The following ANKRD44 variants were observed in gnomAD, a reference collection of about 807,000 sequenced individuals.
ANKRD44 encodes ankyrin repeat domain 44.
A neutral mutation model predicts 116.0 loss-of-function variants in ANKRD44; 35 were observed. The observed-to-expected ratio is 0.30, with a 90% CI of 0.23 to 0.40. The LOEUF is 0.40. ANKRD44 is among the 10% of genes least tolerant of loss of function. The pLI is 1.00. For missense variants in ANKRD44, 1,014 were observed against 1,242.6 expected, an observed-to-expected ratio of 0.82 and a Z score of 2.77; for synonymous variants, 435 against 461.8, an observed-to-expected ratio of 0.94 and a Z score of 0.74.
intron 8 of ANKRD44, among the ~76,000 whole-genome samples, chr2:197,112,141 TAGAG>T (rs775226792): frequency 2.6e-5 from 4 of 152,154 alleles, no homozygotes; most frequent in African/African-American, 9.7e-5. Flanking sequence ...GTATCCCCAA[TAGAG>T]AGAATGTATT....
chr2:197,213,254 G>A (rs1241567536), intron 1 of ANKRD44, among the ~76,000 whole-genome samples: 1 of 152,216 alleles, frequency 6.6e-6, no homozygotes, highest in South Asian at 2.1e-4. Context: ...TCTCAAAGGA[G>A]AGCATTATAC....
chr2:196,967,354 G>T, exon 22 of ANKRD44: 1 of 460,226 alleles, frequency 2.2e-6, no homozygotes. Context: ...GCGTTCTGTG[G>T]CTGGGATAAA....
chr2:197,188,746 T>TGC (rs1185531147), intron 1 of ANKRD44, among the ~76,000 whole-genome samples: 1 of 142,240 alleles, frequency 7.0e-6, no homozygotes, highest in African/African-American at 2.6e-5. Context: ...TTGGTAATTA[T>TGC]GCACACACAC....
At chr2:197,099,538 G>A in intron 10 of ANKRD44, 1 of 1,138,108 alleles carries the variant, frequency 8.8e-7, no homozygotes, top group East Asian at 5.5e-5. Context: ...AAGGACAGAA[G>A]AATATTAGAA....
At position 197,136,676 on chromosome 2, in the gene ANKRD44, G is replaced by A; in HGVS notation, c.191-14C>T. The stretch of plus-strand genomic sequence containing the variant: ...TTACACGAGCTCCTGGAATCAAACA[G>A]CACAAGTTAGAGGCATAATGGGGTC... On this transcript the variant is annotated splice_polypyrimidine_tract_variant and intron_variant, in intron 3 of 27. Coordinates refer to ENST00000282272, the MANE Select transcript of ANKRD44 (RefSeq NM_001195144.2). 6.2e-7 allele frequency: 1 copy of A among 1,613,480 alleles called. No individual in the cohort carries two copies.
intron 1 of ANKRD44, among the ~76,000 whole-genome samples, chr2:197,283,278 T>A (rs1035478762): frequency 6.6e-6 from 1 of 152,216 alleles, no homozygotes; most frequent in African/African-American, 2.4e-5. Flanking sequence ...TTAAATTTTT[T>A]AAAGCCCATT....
intron 3 of ANKRD44, among the ~76,000 whole-genome samples, chr2:197,140,261 A>G (rs1418350053): frequency 2.6e-5 from 4 of 152,128 alleles, no homozygotes; most frequent in Non-Finnish European, 2.9e-5. Flanking sequence ...CTCAGAATGT[A>G]TAAGATTGCT....
At chr2:197,163,733 T>C (rs980307758) in intron 2 of ANKRD44, among the ~76,000 whole-genome samples, 2 of 152,140 alleles carry the variant, frequency 1.3e-5, no homozygotes, top group African/African-American at 4.8e-5. Context: ...GTTCAAGCGA[T>C]TCTCCTACCT....
intron 16 of ANKRD44, among the ~76,000 whole-genome samples, chr2:197,035,429 T>C (rs981121436): frequency 6.6e-6 from 1 of 152,128 alleles, no homozygotes; most frequent in African/African-American, 2.4e-5. Context: ...GTAAGCCTCT[T>C]TCATGTTGCT....
At chr2:197,132,771 A>G (rs1163439473) in intron 4 of ANKRD44, among the ~76,000 whole-genome samples, 1 of 152,176 alleles carries the variant, frequency 6.6e-6, no homozygotes, top group Non-Finnish European at 1.5e-5. Flanking sequence ...GCTTAAATTG[A>G]AAACCCAGTC....
At chr2:197,126,585 A>G (rs1252327623) in intron 4 of ANKRD44, among the ~76,000 whole-genome samples, 1 of 152,026 alleles carries the variant, frequency 6.6e-6, no homozygotes, top group Non-Finnish European at 1.5e-5. Context: ...GAGTTCCTTC[A>G]CCTTCATTGG....
intron 1 of ANKRD44, among the ~76,000 whole-genome samples, chr2:197,297,338 A>G (rs551377701): frequency 6.6e-6 from 1 of 152,362 alleles, no homozygotes; most frequent in East Asian, 1.9e-4. Context: ...AGAGAGAAAG[A>G]AGACTAGTTA....
intron 2 of ANKRD44, among the ~76,000 whole-genome samples, chr2:197,164,558 G>C (rs540510829): frequency 2.0e-5 from 3 of 152,320 alleles, no homozygotes; most frequent in African/African-American, 4.8e-5. Flanking sequence ...CCGGCTTCGC[G>C]GCCGCTCGGA....
At chr2:197,206,535 C>T (rs2579407) in intron 1 of ANKRD44, among the ~76,000 whole-genome samples, 146,008 of 152,226 alleles carry the variant, frequency 0.96, 70,043 homozygotes, top group East Asian at 1. Context: ...ATACAAAAAT[C>T]GGCCAGGCAT....
chr2:197,153,882 G>A (rs369235357), intron 2 of ANKRD44, among the ~76,000 whole-genome samples: 1 of 152,284 alleles, frequency 6.6e-6, no homozygotes, highest in East Asian at 1.9e-4. Context: ...GAGAGAGAAA[G>A]TGGGAAGGAG....
At chr2:197,241,054 T>C (rs1320771515) in intron 1 of ANKRD44, among the ~76,000 whole-genome samples, 2 of 152,138 alleles carry the variant, frequency 1.3e-5, no homozygotes, top group African/African-American at 4.8e-5. Context: ...ATTTTAAGTC[T>C]ATTCCTCCTT....
chr2:197,295,257 T>A (rs1371173005), intron 1 of ANKRD44, among the ~76,000 whole-genome samples: 1 of 152,212 alleles, frequency 6.6e-6, no homozygotes, highest in Non-Finnish European at 1.5e-5. Context: ...TGGCCCCAAG[T>A]CTGCCCTTGA....
At position 197,122,798 on chromosome 2, in the gene ANKRD44, C is replaced by A; in HGVS notation, c.551-6G>T. 1.2e-6 allele frequency: 2 copies of A among 1,611,618 alleles called. No homozygotes were observed. Among genetic ancestry groups the A allele is most frequent in the South Asian group, 1.1e-5 (1 of 90,480 alleles). The stretch of plus-strand genomic sequence containing the variant: ...TGCTACAACATCCAAGTGGCCTTTA[C>A]AAACAAAGCAGCAGAAAACATCGTT... On this transcript the variant is annotated splice_polypyrimidine_tract_variant and splice_region_variant and intron_variant, in intron 6 of 27. Coordinates refer to ENST00000282272, the MANE Select transcript of ANKRD44 (RefSeq NM_001195144.2).
chr2:197,085,985 G>A (rs1195354881), intron 13 of ANKRD44, among the ~76,000 whole-genome samples: 1 of 152,026 alleles, frequency 6.6e-6, no homozygotes, highest in Non-Finnish European at 1.5e-5. Context: ...GGTGCTAGGG[G>A]AGCAGAGAAG....
Sources: allele counts gnomAD v4.1 joint callset (sites outside exome capture counted in the v4.1 genomes callset), GRCh38; gene constraint gnomAD v4.1.1; transcripts MANE v1.5; gene names NCBI Gene and HGNC (gene_info 2026-07-23, HGNC 2026-07-21).